The following ABHD2 variants were observed in gnomAD, a reference collection of about 807,000 sequenced individuals.
ABHD2 encodes the protein abhydrolase domain containing 2, acylglycerol lipase.
ABHD2 carries 20 observed loss-of-function variants against 48.1 expected under a neutral mutation model. That is an observed-to-expected ratio of 0.42 (90% CI 0.29 to 0.60). ABHD2 has a LOEUF of 0.60. Among genes scored for constraint, ABHD2 ranks in the 20% least tolerant of loss-of-function variants. ABHD2 has a pLI of 0.24. For missense variants in ABHD2, 405 were observed against 550.9 expected (o/e 0.74, Z 2.65); for synonymous variants, 209 against 214.2 (o/e 0.98, Z 0.21).
At chr15:89,157,905 G>A (rs1434908235) in intron 5 of ABHD2, among the ~76,000 whole-genome samples, 1 of 151,984 alleles carries the variant, frequency 6.6e-6, no homozygotes, top group Admixed American at 6.6e-5. Flanking sequence ...ACAGGCACAG[G>A]GTGAATAGTG....
At chr15:89,123,043 G>A (rs1355164712) in intron 3 of ABHD2, among the ~76,000 whole-genome samples, 1 of 152,174 alleles carries the variant, frequency 6.6e-6, no homozygotes, top group Non-Finnish European at 1.5e-5. Context: ...GCTTTCTTCT[G>A]CAACCAGCTG....
At chr15:89,073,648 G>T in the ABHD2 span, among the ~76,000 whole-genome samples, 14 of 152,164 alleles carry the variant, frequency 9.2e-5, no homozygotes, top group African/African-American at 3.4e-4. Context: ...GTGGCCTCAC[G>T]CACTACTTCT....
At chr15:89,069,494 G>A in the ABHD2 span, among the ~76,000 whole-genome samples, 1 of 151,748 alleles carries the variant, frequency 6.6e-6, no homozygotes, top group Non-Finnish European at 1.5e-5. Context: ...GTGTTTCTCT[G>A]ACCCTCGATC....
At chr15:89,192,336 CATT>C (rs1349163678) in intron 9 of ABHD2, among the ~76,000 whole-genome samples, 4 of 152,198 alleles carry the variant, frequency 2.6e-5, no homozygotes. Context: ...TTCACTGCCT[CATT>C]ATGGCTGTTC....
At chr15:89,093,820 G>A (rs2049566752) in intron 1 of ABHD2, 1 of 152,148 alleles carries the variant, frequency 6.6e-6, no homozygotes, top group Admixed American at 6.5e-5. Context: ...AGTTTTCAAG[G>A]TTCTTCGTAT....
In ABHD2 at chr15:89,113,717, CT is replaced by C. The variant is rs2049911946; in HGVS notation, c.-106-3del. On this transcript the variant is annotated splice_polypyrimidine_tract_variant and splice_region_variant and intron_variant, in intron 1 of 10. Transcript: ENST00000352732. ...GTTCTTTAAAACATTACCATCCAAT[CT>C]TTTTAGCTTTTAGGTTTGTTTGAAT... 1 of 152,220 alleles carries C rather than the reference CT, an allele frequency of 6.6e-6. No individual in the cohort carries two copies. The highest frequency in any genetic ancestry group is 2.4e-5 in the African/African-American group (1 of 41,452). 9.4% of individuals were successfully genotyped at this position (152,220 alleles called of 1,614,324 possible). A position where few individuals can be genotyped will look rare whatever the true frequency, so the allele number is the denominator to read the frequency against.
chr15:89,063,965 C>T, the ABHD2 span, among the ~76,000 whole-genome samples: 1 of 152,046 alleles, frequency 6.6e-6, no homozygotes, highest in Non-Finnish European at 1.5e-5. Context: ...GGTGCCAGTC[C>T]ATGGCCCAGG....
At chr15:89,069,502 A>G in the ABHD2 span, among the ~76,000 whole-genome samples, 1 of 151,882 alleles carries the variant, frequency 6.6e-6, no homozygotes, top group East Asian at 1.9e-4. Context: ...CTGACCCTCG[A>G]TCGAAAGTAA....
rs1378507359 is a variant in ABHD2, at chr15:89,167,929, G to A, written c.539-7883G>A. Among the ~76,000 whole-genome samples, 1 of 152,196 alleles carries A rather than the reference G, an allele frequency of 6.6e-6. No homozygotes were observed. The highest frequency in any genetic ancestry group is 2.4e-5 in the African/African-American group (1 of 41,452). On this transcript the variant is annotated intron_variant, in intron 5 of 10. Transcript: ENST00000352732. This position sits in a 1 kb window ranked among gnomAD's most constrained non-coding sequence, Gnocchi z 5.5. ...ATGTCCCCTGCTTACTCATGCTGGC[G>A]AGTACTGTGTGCCTTTATTCCAGAC... is the stretch of plus-strand genomic sequence containing the variant.
the ABHD2 span, among the ~76,000 whole-genome samples, chr15:89,044,462 C>A: frequency 6.6e-6 from 1 of 151,994 alleles, no homozygotes; most frequent in African/African-American, 2.4e-5. Context: ...AGTTCTAGAG[C>A]CCTGAGGAAT....
chr15:89,169,534 C>A (rs12050688), intron 5 of ABHD2, among the ~76,000 whole-genome samples: 99,364 of 152,124 alleles, frequency 0.65, 34,978 homozygotes, highest in African/African-American at 0.91. Flanking sequence ...ATGTTGGAAC[C>A]AAACATAAAG....
At chr15:89,147,035 T>G (rs1345539730) in intron 3 of ABHD2, among the ~76,000 whole-genome samples, 2 of 152,214 alleles carry the variant, frequency 1.3e-5, no homozygotes, top group Non-Finnish European at 2.9e-5. Context: ...AAAGCTATAT[T>G]AATTAAAGCA....
intron 5 of ABHD2, among the ~76,000 whole-genome samples, chr15:89,169,725 G>A (rs1192010478): frequency 2.0e-5 from 3 of 152,140 alleles, no homozygotes; most frequent in South Asian, 2.1e-4. Context: ...TAGCATTGTC[G>A]AAACTGGCCT....
At chr15:89,148,210 C>T (rs879926159) in intron 3 of ABHD2, among the ~76,000 whole-genome samples, 1 of 150,594 alleles carries the variant, frequency 6.6e-6, no homozygotes, top group Non-Finnish European at 1.5e-5. Context: ...TAGATAATGG[C>T]TTAATGTAGG....
chr15:89,093,298 A>G (rs1262805189), intron 1 of ABHD2, among the ~76,000 whole-genome samples: 1 of 147,232 alleles, frequency 6.8e-6, no homozygotes, highest in Non-Finnish European at 1.5e-5. Context: ...TTCCTGCCTC[A>G]GCCTCTCAAG....
At chr15:89,192,449 A>G (rs563015291) in intron 9 of ABHD2, among the ~76,000 whole-genome samples, 2 of 152,170 alleles carry the variant, frequency 1.3e-5, no homozygotes, top group South Asian at 2.1e-4. Context: ...AACCCTGCCA[A>G]CGGTTTTCCA....
chr15:89,067,112 G>C, the ABHD2 span, among the ~76,000 whole-genome samples: 2 of 151,468 alleles, frequency 1.3e-5, no homozygotes, highest in African/African-American at 4.8e-5. Context: ...ACGAAGTCCA[G>C]TGGAGTTAAA....
chr15:89,096,305 C>T (rs1038841521), intron 1 of ABHD2, among the ~76,000 whole-genome samples: 4 of 152,168 alleles, frequency 2.6e-5, no homozygotes, highest in African/African-American at 4.8e-5. Context: ...TCTCTGTAAT[C>T]GTAAAAGTGC....
chr15:89,114,400 G>A lies in ABHD2; in HGVS notation c.-7+576G>A, dbSNP rs1042313869. On this transcript the variant is annotated intron_variant, in intron 2 of 10. Coordinates refer to ENST00000352732, the MANE Select transcript of ABHD2 (RefSeq NM_152924.5). The surrounding 1 kb of genome is among the most constrained non-coding windows in gnomAD (Gnocchi z 4.2). ...CCCCAAGTTAAGGATCCTTGTTTTA[G>A]GGGTTTATAGACAGCTTTCAGGGGA... 6.6e-6 allele frequency among the ~76,000 whole-genome samples: 1 copy of A among 152,170 alleles called. No individual in the cohort carries two copies. The highest frequency in any genetic ancestry group is 2.4e-5 in the African/African-American group (1 of 41,436).
Sources: allele counts gnomAD v4.1 joint callset (sites outside exome capture counted in the v4.1 genomes callset), GRCh38; gene constraint gnomAD v4.1.1; non-coding constraint Gnocchi (gnomAD v3.1); transcripts MANE v1.5; gene names NCBI Gene and HGNC (gene_info 2026-07-23, HGNC 2026-07-21).